The following EXT1 variants were observed in gnomAD, a reference collection of about 807,000 sequenced individuals.
EXT1 encodes the protein exostosin-1.
In EXT1, 20 loss-of-function variants were observed where a neutral mutation model predicts 82.5. That is an observed-to-expected ratio of 0.24 (90% CI 0.17 to 0.35). The LOEUF (loss-of-function observed/expected upper bound fraction) is 0.35, where lower values mean the gene tolerates loss of function less well. EXT1 is among the 10% of genes least tolerant of loss of function. The pLI is 1.00. For missense variants in EXT1, 757 were observed against 936.5 expected (o/e 0.81, Z 2.50); for synonymous variants, 348 against 350.8 (o/e 0.99, Z 0.09).
At chr8:117,915,266 A>T (rs1039268860) in intron 1 of EXT1, among the ~76,000 whole-genome samples, 2 of 152,146 alleles carry the variant, frequency 1.3e-5, no homozygotes, top group Admixed American at 6.5e-5. Context: ...TTACAAGTTG[A>T]TCAGTCTTCT....
intron 1 of EXT1, among the ~76,000 whole-genome samples, chr8:118,037,850 T>G (rs181391711): frequency 2.0e-4 from 29 of 148,376 alleles, no homozygotes; most frequent in Admixed American, 4.0e-4. Context: ...TTTTTTTTTT[T>G]TTTTTTTGAG....
intron 1 of EXT1, among the ~76,000 whole-genome samples, chr8:117,948,517 T>C (rs562185088): frequency 6.6e-6 from 1 of 152,310 alleles, no homozygotes; most frequent in Admixed American, 6.5e-5. Flanking sequence ...CTCATAACCA[T>C]ACAACTTTAC....
At chr8:118,038,135 T>A (rs913188194) in intron 1 of EXT1, among the ~76,000 whole-genome samples, 3 of 152,168 alleles carry the variant, frequency 2.0e-5, no homozygotes, top group African/African-American at 7.2e-5. Flanking sequence ...CAAGATTTTT[T>A]AAAAAGTGAA....
intron 1 of EXT1, among the ~76,000 whole-genome samples, chr8:118,021,536 G>C (rs115945248): frequency 2.0e-4 from 30 of 152,294 alleles, no homozygotes; most frequent in African/African-American, 6.5e-4. Flanking sequence ...GAAGACGGCC[G>C]ATTTTAAAAA....
At chr8:117,870,189 T>A (rs1005552367) in intron 1 of EXT1, among the ~76,000 whole-genome samples, 1 of 152,158 alleles carries the variant, frequency 6.6e-6, no homozygotes, top group East Asian at 1.9e-4. Context: ...TCTTAACACA[T>A]AAACAAAACT....
intron 1 of EXT1, among the ~76,000 whole-genome samples, chr8:117,913,895 T>C (rs1200659268): frequency 2.6e-5 from 4 of 152,178 alleles, no homozygotes; most frequent in Non-Finnish European, 5.9e-5. Flanking sequence ...TGGGAAAGAT[T>C]AGGCAATTTG....
rs533965107 is a variant in EXT1 at position 117,900,996 on chromosome 8, C to T, written c.963-63795G>A. On this transcript the variant is annotated intron_variant, in intron 1 of 10. Coordinates refer to ENST00000378204, the MANE Select transcript of EXT1 (RefSeq NM_000127.3). Reference sequence around the variant, plus strand: ...AACCCTGTACAAAGTCTCAGTCTTACATGAAGCAGAGAGGACTCAGTAAAA... The same window carrying T: ...AACCCTGTACAAAGTCTCAGTCTTATATGAAGCAGAGAGGACTCAGTAAAA... 6.6e-4 allele frequency among the ~76,000 whole-genome samples: 101 copies of T among 152,304 alleles called. 1 individual carries two copies. In the South Asian group the frequency reaches 0.02, roughly 30 times the overall value.
At chr8:118,054,850 G>C (rs563012226) in intron 1 of EXT1, among the ~76,000 whole-genome samples, 2 of 152,240 alleles carry the variant, frequency 1.3e-5, no homozygotes, top group East Asian at 3.9e-4. Flanking sequence ...CCTCTCTGGG[G>C]TTCCGAGGCC....
At chr8:117,822,659 T>C in intron 4 of EXT1, 62 bp from the exon 5 acceptor site, 2 of 1,592,590 alleles carry the variant, frequency 1.3e-6, no homozygotes, top group Non-Finnish European at 1.7e-6. Flanking sequence ...GAAAGGATGA[T>C]GCTCAATCCA....
At chr8:118,040,278 T>C (rs11562764) in intron 1 of EXT1, among the ~76,000 whole-genome samples, 5,346 of 152,218 alleles carry the variant, frequency 0.035, 327 homozygotes, top group African/African-American at 0.12. Context: ...GAAATGGGAA[T>C]CCCAAGTGTA....
At chr8:117,819,340 G>A (rs530094514) in intron 6 of EXT1, among the ~76,000 whole-genome samples, 1 of 152,266 alleles carries the variant, frequency 6.6e-6, no homozygotes, top group African/African-American at 2.4e-5. Context: ...AGGCTTTTTG[G>A]ATGTTACTTT....
intron 1 of EXT1, among the ~76,000 whole-genome samples, chr8:118,076,445 A>G (rs1817209616): frequency 6.6e-6 from 1 of 152,234 alleles, no homozygotes; most frequent in South Asian, 2.1e-4. Flanking sequence ...TGTTACTCCC[A>G]AAGTCTTTGT....
chr8:117,964,611 C>G (rs372781108), intron 1 of EXT1, among the ~76,000 whole-genome samples: 2 of 150,282 alleles, frequency 1.3e-5, no homozygotes, highest in South Asian at 2.1e-4. Context: ...GGTTTTATGT[C>G]TGTGTGTGTG....
intron 5 of EXT1, among the ~76,000 whole-genome samples, chr8:117,821,077 C>T (rs11778143): frequency 0.23 from 34,576 of 152,108 alleles, 4,599 homozygotes; most frequent in Middle Eastern, 0.37. Context: ...TTTAGACCCA[C>T]TAATTTGGCA....
intron 1 of EXT1, among the ~76,000 whole-genome samples, chr8:117,873,453 T>G (rs1052062484): frequency 1.4e-5 from 2 of 144,786 alleles, no homozygotes; most frequent in African/African-American, 2.6e-5. Context: ...GTGACTTTTT[T>G]TTTTTTTTTT....
chr8:117,799,519 G>A lies in EXT1; in HGVS notation c.*193C>T, dbSNP rs1823131314. 3.2e-6 allele frequency: 2 copies of A among 620,472 alleles called. No homozygotes were observed. Among genetic ancestry groups the A allele is most frequent in the South Asian group, 3.9e-5 (2 of 50,910 alleles). The allele number at this position is 620,472 out of a possible 1,614,324, so 38.4% of individuals were successfully genotyped here. A position where few individuals can be genotyped will look rare whatever the true frequency, so the allele number is the denominator to read the frequency against. ...CACAGAAGCCAGTGAGGTGAGTTTG[G>A]AGCAGTCTGGTGCAGTCCCAGGAGC... On this transcript the variant is annotated 3_prime_UTR_variant, in exon 11 of 11. Transcript: ENST00000378204.
At chr8:118,062,001 A>T (rs1318516493) in intron 1 of EXT1, among the ~76,000 whole-genome samples, 1 of 152,234 alleles carries the variant, frequency 6.6e-6, no homozygotes, top group Non-Finnish European at 1.5e-5. Context: ...ATAAGGAAAG[A>T]AATTCCACAG....
chr8:117,841,793 C>T (rs1812279120), intron 1 of EXT1, among the ~76,000 whole-genome samples: 1 of 152,146 alleles, frequency 6.6e-6, no homozygotes. Flanking sequence ...TTGTATTGAA[C>T]AATGTATGGG....
At chr8:118,102,338 G>A in intron 1 of EXT1, among the ~76,000 whole-genome samples, 1 of 150,052 alleles carries the variant, frequency 6.7e-6, no homozygotes. Context: ...TCCAACCATG[G>A]GTTAGAAAAA....
Sources: gnomAD v4.1 joint callset for allele counts (sites outside exome capture counted in the v4.1 genomes callset) on GRCh38, gnomAD v4.1.1 for gene constraint, MANE v1.5 for transcripts, NCBI Gene and HGNC (gene_info 2026-07-23, HGNC 2026-07-21) for gene names.